Variants in GXYLT1 observed in about 807,000 individuals in gnomAD.
GXYLT1 encodes glycosyltransferase 8 domain containing 3.
GXYLT1 carries 29 observed loss-of-function variants against 54.0 expected under a neutral mutation model. The ratio of observed to expected loss-of-function variants is 0.54; its 90% CI spans 0.40 to 0.73. The LOEUF is 0.73. Ranked by LOEUF, GXYLT1 falls within the 30% of genes least tolerant of loss-of-function variation. The probability of loss-of-function intolerance (pLI) is 0.00; values close to 1 mark genes in which losing one functional copy is unlikely to be tolerated. For synonymous variants in GXYLT1, 176 were observed against 204.1 expected, an observed-to-expected ratio of 0.86 and a Z score of 1.17; for missense variants, 490 against 553.4, an observed-to-expected ratio of 0.89 and a Z score of 1.15.
At chr12:42,092,461 A>C (rs1397435306) in intron 7 of GXYLT1, among the ~76,000 whole-genome samples, 1 of 152,144 alleles carries the variant, frequency 6.6e-6, no homozygotes, top group African/African-American at 2.4e-5. Context: ...ATTTGCCCCA[A>C]GTCTTGGTCC....
chr12:42,113,918 T>C (rs547273480), intron 3 of GXYLT1, among the ~76,000 whole-genome samples: 126 of 151,816 alleles, frequency 8.3e-4, no homozygotes, highest in Non-Finnish European at 8.8e-4. Context: ...ACAGAAATTA[T>C]AACAAACTGT....
At chr12:42,092,962 C>T (rs2065336877) in intron 7 of GXYLT1, among the ~76,000 whole-genome samples, 1 of 152,176 alleles carries the variant, frequency 6.6e-6, no homozygotes, top group South Asian at 2.1e-4. Context: ...GGCCCACTGG[C>T]CACAGGTTGG....
intron 3 of GXYLT1, among the ~76,000 whole-genome samples, chr12:42,112,588 G>C (rs1437764557): frequency 1.3e-5 from 2 of 152,112 alleles, no homozygotes; most frequent in Non-Finnish European, 2.9e-5. Flanking sequence ...GAGAAGTTTA[G>C]AGAAAAAAGA....
At chr12:42,116,316 A>G (rs546018895) in intron 3 of GXYLT1, among the ~76,000 whole-genome samples, 108 of 152,338 alleles carry the variant, frequency 7.1e-4, no homozygotes, top group Non-Finnish European at 4.0e-4. Flanking sequence ...TGCACAGCAA[A>G]AGAAACTACC....
At chr12:42,138,908 C>T (rs2065636318) in intron 1 of GXYLT1, among the ~76,000 whole-genome samples, 1 of 152,164 alleles carries the variant, frequency 6.6e-6, no homozygotes. Context: ...GCAGTTGGCA[C>T]ACACCTGTAA....
chr12:42,097,820 A>T (rs768993921), intron 6 of GXYLT1, 90 bp downstream of exon 6: 179 of 1,089,946 alleles, frequency 1.6e-4, no homozygotes, highest in Non-Finnish European at 2.2e-4. Flanking sequence ...CATTAATATA[A>T]GACAGAATCA....
In GXYLT1 at chr12:42,082,617, C is replaced by T. The variant is rs532735140; in HGVS notation, c.*5169G>A. ...CCTCAACTTCCTGTGTAGCTAGGAC[C>T]GCAGGCAAACACCACCACATCTGGA... On this transcript the variant is annotated 3_prime_UTR_variant, in exon 8 of 8. Coordinates refer to ENST00000398675, the MANE Select transcript of GXYLT1 (RefSeq NM_173601.2). 8 of 152,118 alleles carry T rather than the reference C, an allele frequency of 5.3e-5. No individual in the cohort carries two copies. The highest frequency in any genetic ancestry group is 1.7e-4 in the African/African-American group (7 of 41,482). The allele number at this position is 152,118 out of a possible 1,614,324, so 9.4% of individuals were successfully genotyped here.
chr12:42,119,042 A>C lies in GXYLT1; in HGVS notation c.444T>G (p.His148Gln), dbSNP rs78707986. The C allele has an allele frequency of 0.054, 66,342 of 1,222,288 alleles. 1 individual carries two copies. The highest frequency in any genetic ancestry group is 0.21 in the South Asian group (10,782 of 50,704). 75.7% of individuals were successfully genotyped at this position (1,222,288 alleles called of 1,614,324 possible). ...GATGTAGCTGATCTTCAGCAAAAAT[A>C]TGGAATTGAAGAGGTTTGATGCTGA... ...IIFSIKPLQF[H>Q]IFAEDQLHHS... Residue 148 changes from histidine to glutamine, a missense_variant, in exon 3 of 8, where the codon CAT becomes CAG. By Grantham distance (24) the His-to-Gln change is conservative (BLOSUM62 0). Around this residue, in one of 2 missense-constraint regions of GXYLT1, gnomAD observed 148 missense variants for 210.7 expected, o/e 0.70. Transcript: ENST00000398675.
At chr12:42,142,997 T>C (rs2065660477) in intron 1 of GXYLT1, among the ~76,000 whole-genome samples, 2 of 152,196 alleles carry the variant, frequency 1.3e-5, no homozygotes, top group Admixed American at 6.5e-5. Context: ...TCAGTAATGA[T>C]TATATTGGAT....
chr12:42,135,266 A>G (rs1004345476), intron 1 of GXYLT1, among the ~76,000 whole-genome samples: 5 of 152,248 alleles, frequency 3.3e-5, no homozygotes, highest in African/African-American at 4.8e-5. Flanking sequence ...ATGAGAAGAT[A>G]TATCAAGCAA....
At position 42,129,533 on chromosome 12, in the gene GXYLT1, G is replaced by C. The variant is rs149147972; in HGVS notation, c.314+226C>G. Among the ~76,000 whole-genome samples the C allele has an allele frequency of 1.7e-3, 263 of 152,184 alleles. 2 individuals are homozygous for C. The South Asian group carries it at 0.037, about 21-fold the overall frequency. On this transcript the variant is annotated intron_variant, in intron 2 of 7. Transcript: ENST00000398675. Reference sequence around the variant, plus strand: ...TAGATCATAAATTCTCTTAAGAACAGTGGTTTGTCTTAATAACATCTAAGA... The same window carrying C: ...TAGATCATAAATTCTCTTAAGAACACTGGTTTGTCTTAATAACATCTAAGA...
At chr12:42,126,183 C>T (rs1355902176) in intron 2 of GXYLT1, among the ~76,000 whole-genome samples, 1 of 151,674 alleles carries the variant, frequency 6.6e-6, no homozygotes, top group Non-Finnish European at 1.5e-5. Context: ...AAGCGATTCT[C>T]GTGCCTCAGT....
At chr12:42,107,715 G>T (rs1486116568) in intron 4 of GXYLT1, among the ~76,000 whole-genome samples, 2 of 152,058 alleles carry the variant, frequency 1.3e-5, no homozygotes, top group Admixed American at 1.3e-4. Flanking sequence ...TGGGGGAGGG[G>T]GCTGGGTGGA....
chr12:42,140,005 C>T (rs1415175085), intron 1 of GXYLT1, among the ~76,000 whole-genome samples: 1 of 151,778 alleles, frequency 6.6e-6, no homozygotes, highest in Non-Finnish European at 1.5e-5. Context: ...CATGGTGAAA[C>T]GCCGTCTCTA....
At chr12:42,095,886 C>T (rs543178225) in intron 7 of GXYLT1, among the ~76,000 whole-genome samples, 2 of 152,294 alleles carry the variant, frequency 1.3e-5, no homozygotes, top group African/African-American at 2.4e-5. Flanking sequence ...ATTGAGTACA[C>T]ACCCTTGTCT....
In GXYLT1 at chr12:42,094,483, T is replaced by C. The variant is rs369288976; in HGVS notation, c.1161+2959A>G. Reference sequence around the variant, plus strand: ...GACCAGCCTGAGAAACACAGCAACATCCCCATCTCCATAAAAAATACATAT... The same window carrying C: ...GACCAGCCTGAGAAACACAGCAACACCCCCATCTCCATAAAAAATACATAT... On this transcript the variant is annotated intron_variant, in intron 7 of 7. Coordinates refer to ENST00000398675, the MANE Select transcript of GXYLT1 (RefSeq NM_173601.2). Among the ~76,000 whole-genome samples, 19 of 150,424 alleles carry C rather than the reference T, an allele frequency of 1.3e-4. No individual in the cohort carries two copies. In the East Asian group the frequency reaches 3.2e-3, roughly 25 times the overall value.
chr12:42,097,855 A>C, intron 6 of GXYLT1, 55 bp downstream of exon 6: 1 of 1,336,448 alleles, frequency 7.5e-7, no homozygotes, highest in Non-Finnish European at 1.0e-6. Context: ...TTCCTTTTTC[A>C]CTAAGTATTA....
intron 1 of GXYLT1, among the ~76,000 whole-genome samples, chr12:42,135,499 GA>G (rs1483815056): frequency 6.6e-6 from 1 of 152,130 alleles, no homozygotes; most frequent in African/African-American, 2.4e-5. Context: ...CATGTTCACA[GA>G]AAAACTGTCC....
chr12:42,129,003 G>C (rs529888472), intron 2 of GXYLT1, among the ~76,000 whole-genome samples: 1 of 152,072 alleles, frequency 6.6e-6, no homozygotes, highest in Non-Finnish European at 1.5e-5. Context: ...TCATAAAGAC[G>C]CAGTAAATAG....
Sources: gnomAD v4.1 joint callset for allele counts (sites outside exome capture counted in the v4.1 genomes callset) on GRCh38, gnomAD v4.1.1 for gene constraint, gnomAD v4.1.1 regional missense constraint, MANE v1.5 for transcripts, NCBI Gene and HGNC (gene_info 2026-07-23, HGNC 2026-07-21) for gene names.